Variants in PRDM16 observed in about 807,000 individuals in gnomAD.
The protein encoded by PRDM16 is PR/SET domain 16, also known as histone-lysine N-methyltransferase PRDM16.
PRDM16 carries 23 observed loss-of-function variants against 110.6 expected under a neutral mutation model. That is an observed-to-expected ratio of 0.21 (90% CI 0.15 to 0.29). PRDM16 has a LOEUF of 0.29. Among genes scored for constraint, PRDM16 ranks in the 10% least tolerant of loss-of-function variants. PRDM16 has a pLI of 1.00. For synonymous variants in PRDM16, 799 were observed against 781.8 expected (o/e 1.02, Z -0.37); for missense variants, 1,615 against 1,794.3 (o/e 0.90, Z 1.81).
chr1:3,406,743 GAAATAA>G (rs1643568809), intron 8 of PRDM16, among the ~76,000 whole-genome samples: 1 of 152,040 alleles, frequency 6.6e-6, no homozygotes, highest in Non-Finnish European at 1.5e-5. Context: ...ACTCTGTAAA[GAAATAA>G]AAATAAATAA....
rs1284167001 is a variant in PRDM16, at chr1:3,246,405, C to T, written c.438+2268C>T. On this transcript the variant is annotated intron_variant, in intron 3 of 16. Transcript: ENST00000270722. This position sits in a 1 kb window ranked among gnomAD's most constrained non-coding sequence, Gnocchi z 5.2. ...CGCCATCCCACGGAATCAGAGCAGA[C>T]CCGATGCACGAGACCCCCCACGGCA... Among the ~76,000 whole-genome samples, 2 of 152,206 alleles carry T rather than the reference C, an allele frequency of 1.3e-5. No homozygotes were observed. Among genetic ancestry groups the T allele is most frequent in the African/African-American group, 4.8e-5 (2 of 41,468 alleles).
At chr1:3,400,354 CA>C (rs1643447229) in intron 5 of PRDM16, among the ~76,000 whole-genome samples, 1 of 152,216 alleles carries the variant, frequency 6.6e-6, no homozygotes, top group African/African-American at 2.4e-5. Context: ...CACCAGACCC[CA>C]GGGGTCAGCC....
chr1:3,412,413 C>A lies in PRDM16; in HGVS notation c.2216C>A (p.Pro739His). Residue 739 changes from proline to histidine, a missense_variant, in exon 9 of 17, where the codon CCC becomes CAC. Pro to His is a moderately conservative substitution (Grantham distance 77, BLOSUM62 -2). Transcript: ENST00000270722. The part of the protein sequence containing the change: ...FLPNFPHSLY[P>H]FTDRALAHNL... ...CCCAACTTCCCCCACTCCCTTTACC[C>A]CTTCACGGACCGAGCCCTCGCCCAC... 6.2e-7 allele frequency: 1 copy of A among 1,612,626 alleles called. No individual in the cohort carries two copies. The highest frequency in any genetic ancestry group is 8.5e-7 in the Non-Finnish European group (1 of 1,179,546).
rs1469307976 is a variant in PRDM16 at position 3,206,487 on chromosome 1, T to C, written c.387+20013T>C. 7 of 152,154 alleles carry C rather than the reference T, an allele frequency of 4.6e-5. No individual in the cohort carries two copies. Among genetic ancestry groups the C allele is most frequent in the African/African-American group, 1.7e-4 (7 of 41,426 alleles). 9.4% of individuals were successfully genotyped at this position (152,154 alleles called of 1,614,324 possible). A position where few individuals can be genotyped will look rare whatever the true frequency, so the allele number is the denominator to read the frequency against. On this transcript the variant is annotated intron_variant, in intron 2 of 16. Transcript: ENST00000270722. The surrounding 1 kb of genome is among the most constrained non-coding windows in gnomAD (Gnocchi z 4.9). Reference sequence around the variant, plus strand: ...CGGTGCTGGATAGACGCACACGCCTTCACGCATCCTCAGAAAGTGATGTTG... The same window carrying C: ...CGGTGCTGGATAGACGCACACGCCTCCACGCATCCTCAGAAAGTGATGTTG...
In PRDM16 at chr1:3,412,582, C is replaced by T. The variant is rs752553894; in HGVS notation, c.2385C>T (p.Pro795=). The T allele has an allele frequency of 1.6e-5, 26 of 1,605,628 alleles. No homozygotes were observed. The highest frequency in any genetic ancestry group is 1.4e-4 in the South Asian group (13 of 90,870). Residue 795 remains proline (P), a synonymous_variant, in exon 9 of 17, where the codon CCC becomes CCT. Transcript: ENST00000270722. ...ILPMPKGPSA[P]ASGEEQPLDL... is the part of the protein sequence containing the mutation. ...CCATGCCCAAGGGCCCCTCGGCCCC[C>T]GCATCCGGCGAGGAGCAGCCGCTGG...
At position 3,425,943 on chromosome 1, in the gene PRDM16, C is replaced by A. The variant is rs1638590664; in HGVS notation, c.3110-108C>A. 1 of 1,347,358 alleles carries A rather than the reference C, an allele frequency of 7.4e-7. No individual in the cohort carries two copies. 83.5% of individuals were successfully genotyped at this position (1,347,358 alleles called of 1,614,324 possible). ...CGTGCTCTCCGGTGTCCCTAAGAAA[C>A]CTGCCTCCCTAACAGCACCCCAGGT... is the stretch of plus-strand genomic sequence containing the variant. On this transcript the variant is annotated intron_variant, in intron 13 of 16. Transcript: ENST00000270722. The surrounding 1 kb of genome is among the most constrained non-coding windows in gnomAD (Gnocchi z 6.9).
At chr1:3,182,734 CA>C (rs983453161) in intron 1 of PRDM16, among the ~76,000 whole-genome samples, 3 of 152,182 alleles carry the variant, frequency 2.0e-5, no homozygotes, top group Admixed American at 6.5e-5. Context: ...ATTATGCGAT[CA>C]AATGACGATC....
At chr1:3,211,614 C>T (rs1169332777) in intron 2 of PRDM16, among the ~76,000 whole-genome samples, 1 of 152,228 alleles carries the variant, frequency 6.6e-6, no homozygotes, top group East Asian at 1.9e-4. Context: ...CCGGCCTCGT[C>T]CTTGGTCGTC....
At chr1:3,309,387 C>T (rs1030469818) in intron 3 of PRDM16, 1 of 152,302 alleles carries the variant, frequency 6.6e-6, no homozygotes, top group South Asian at 2.1e-4. Context: ...GAGACCTGAG[C>T]CTGTCCTTCC....
rs997277379 is a variant in PRDM16 at position 3,217,364 on chromosome 1, G to GC, written c.388-26717dup. On this transcript the variant is annotated intron_variant, in intron 2 of 16. Transcript: ENST00000270722. ...AAGACGCTGCAGCAGCTGCTGGGCT[G>GC]CCCCCCAGCTCTTCTCGGCTTATTT... Among the ~76,000 whole-genome samples the GC allele has an allele frequency of 1.1e-4, 16 of 152,338 alleles. No homozygotes were observed. The East Asian group carries it at 1.2e-3, about 11-fold the overall frequency.
Position 3,097,535 on chromosome 1 carries a change from C to T in PRDM16, c.37+28239C>T, listed in dbSNP as rs995344611. On this transcript the variant is annotated intron_variant, in intron 1 of 16. Coordinates refer to ENST00000270722, the MANE Select transcript of PRDM16 (RefSeq NM_022114.4). ...GAAGCCAGCACCAGCCAACATCACA[C>T]GGTGATGAACTTAAAAATGAATTCT... Among the ~76,000 whole-genome samples, 11 of 151,758 alleles carry T rather than the reference C, an allele frequency of 7.2e-5. No homozygotes were observed. In the East Asian group the frequency reaches 1.2e-3, roughly 16 times the overall value.
At chr1:3,191,886 A>G (rs1459325839) in intron 2 of PRDM16, among the ~76,000 whole-genome samples, 1 of 152,190 alleles carries the variant, frequency 6.6e-6, no homozygotes, top group Non-Finnish European at 1.5e-5. Flanking sequence ...AGGCGTAAAA[A>G]GGTAGCACCC....
chr1:3,134,155 C>T (rs1325632448), intron 1 of PRDM16, among the ~76,000 whole-genome samples: 1 of 152,100 alleles, frequency 6.6e-6, no homozygotes, highest in African/African-American at 2.4e-5. Flanking sequence ...CCTGCTGGGA[C>T]CTTGGAGATC....
At chr1:3,317,569 C>G (rs916037453) in intron 3 of PRDM16, among the ~76,000 whole-genome samples, 1 of 152,228 alleles carries the variant, frequency 6.6e-6, no homozygotes, top group Admixed American at 6.5e-5. Context: ...TGCCTGACTT[C>G]TGAAAGCAAA....
intron 3 of PRDM16, among the ~76,000 whole-genome samples, chr1:3,298,340 C>T (rs117629568): frequency 0.027 from 4,121 of 152,316 alleles, 302 homozygotes; most frequent in East Asian, 0.25. Flanking sequence ...AAGGCCAGAA[C>T]GCACCAGCAG....
chr1:3,076,053 C>T (rs1641891488), intron 1 of PRDM16, among the ~76,000 whole-genome samples: 1 of 152,238 alleles, frequency 6.6e-6, no homozygotes, highest in Non-Finnish European at 1.5e-5. Flanking sequence ...GCTCTGCCCA[C>T]CTCGAGGCCC....
chr1:3,204,523 C>A (rs1476291873), intron 2 of PRDM16, among the ~76,000 whole-genome samples: 3 of 152,210 alleles, frequency 2.0e-5, no homozygotes, highest in Non-Finnish European at 4.4e-5. Context: ...TCCTTCTAGC[C>A]CTGCCCCTGT....
At chr1:3,340,357 A>G (rs1414110327) in intron 3 of PRDM16, among the ~76,000 whole-genome samples, 1 of 152,110 alleles carries the variant, frequency 6.6e-6, no homozygotes, top group Non-Finnish European at 1.5e-5. Flanking sequence ...TTGGGGACAG[A>G]TGGCACCAGT....
chr1:3,116,215 G>A, intron 1 of PRDM16, among the ~76,000 whole-genome samples: 1 of 152,164 alleles, frequency 6.6e-6, no homozygotes, highest in East Asian at 1.9e-4. Context: ...GGGAGGGATG[G>A]TTCCAGACCC....
Sources: gnomAD v4.1 joint callset for allele counts (sites outside exome capture counted in the v4.1 genomes callset) on GRCh38, gnomAD v4.1.1 for gene constraint, Gnocchi (gnomAD v3.1) non-coding constraint, MANE v1.5 for transcripts, NCBI Gene and HGNC (gene_info 2026-07-23, HGNC 2026-07-21) for gene names.